The following NTN1 variants were observed in gnomAD, a reference collection of about 807,000 sequenced individuals.
NTN1 encodes netrin 1, also known as netrin-1.
A neutral mutation model predicts 54.2 loss-of-function variants in NTN1; 11 were observed. The ratio of observed to expected loss-of-function variants is 0.20; its 90% confidence interval spans 0.13 to 0.34. The LOEUF is 0.34. Among genes scored for constraint, NTN1 ranks in the 10% least tolerant of loss-of-function variants. The pLI is 1.00. For missense variants in NTN1, 740 were observed against 893.1 expected (o/e 0.83, Z 2.18); for synonymous variants, 371 against 382.0 (o/e 0.97, Z 0.33).
chr17:9,124,961 C>CT (rs1200416506), intron 2 of NTN1, among the ~76,000 whole-genome samples: 1 of 152,206 alleles, frequency 6.6e-6, no homozygotes, highest in Non-Finnish European at 1.5e-5. Flanking sequence ...CAGAGCCTGG[C>CT]ACATGCTACA....
At chr17:9,031,556 T>G (rs1462417955) in intron 2 of NTN1, among the ~76,000 whole-genome samples, 1 of 152,186 alleles carries the variant, frequency 6.6e-6, no homozygotes, top group Non-Finnish European at 1.5e-5. Context: ...GACCTTCCCC[T>G]TCCCCAACCT....
At chr17:9,154,845 T>C (rs2092336819) in intron 2 of NTN1, among the ~76,000 whole-genome samples, 1 of 152,164 alleles carries the variant, frequency 6.6e-6, no homozygotes, top group East Asian at 1.9e-4. Flanking sequence ...AAACCAGGCA[T>C]CTGCCCACTG....
chr17:9,235,600 C>T (rs371250380), intron 6 of NTN1, among the ~76,000 whole-genome samples: 6 of 152,154 alleles, frequency 3.9e-5, no homozygotes, highest in Admixed American at 6.5e-5. Flanking sequence ...CTGGAGGCTG[C>T]GAAGTCCAAG....
chr17:9,148,082 G>A (rs2092318668), intron 2 of NTN1, among the ~76,000 whole-genome samples: 2 of 152,306 alleles, frequency 1.3e-5, no homozygotes, highest in African/African-American at 4.8e-5. Flanking sequence ...AGGGCCTCTT[G>A]AGGGGCTGGG....
At chr17:9,064,583 G>A (rs563950896) in intron 2 of NTN1, among the ~76,000 whole-genome samples, 10 of 152,148 alleles carry the variant, frequency 6.6e-5, no homozygotes, top group African/African-American at 1.2e-4. Flanking sequence ...TCCCCTACTC[G>A]GTGTATTTCA....
At position 9,183,212 on chromosome 17, in the gene NTN1, A is replaced by G. The variant is rs2092424154; in HGVS notation, c.1411+243A>G. The G allele has an allele frequency of 4.4e-6, 3 of 687,038 alleles. No homozygotes were observed. In the African/African-American group the frequency reaches 5.3e-5, roughly 12 times the overall value. 42.6% of individuals were successfully genotyped at this position (687,038 alleles called of 1,614,324 possible). On this transcript the variant is annotated intron_variant, in intron 5 of 6. Transcript: ENST00000173229. ...ATGATGCCTCTCTCCCAAGCCTGGAACCCTAAAAACTGAGCTCCTTCTACT... is the reference window on the plus strand; with the variant it reads ...ATGATGCCTCTCTCCCAAGCCTGGAGCCCTAAAAACTGAGCTCCTTCTACT...
intron 2 of NTN1, among the ~76,000 whole-genome samples, chr17:9,073,155 C>T (rs2092037841): frequency 6.6e-6 from 1 of 152,226 alleles, no homozygotes; most frequent in Non-Finnish European, 1.5e-5. Flanking sequence ...AAGGCCCAAG[C>T]AGCCATGCAC....
intron 2 of NTN1, among the ~76,000 whole-genome samples, chr17:9,136,002 G>A (rs969928450): frequency 2.0e-5 from 3 of 152,118 alleles, no homozygotes; most frequent in Admixed American, 6.5e-5. Context: ...CCTCACTCCC[G>A]CCTGGGAAGC....
chr17:9,073,201 C>T (rs538245458), intron 2 of NTN1, among the ~76,000 whole-genome samples: 4 of 152,262 alleles, frequency 2.6e-5, no homozygotes, highest in African/African-American at 4.8e-5. Flanking sequence ...TGGGAGGAGT[C>T]GCGTATCCCA....
chr17:9,134,768 G>C (rs761757605), intron 2 of NTN1, among the ~76,000 whole-genome samples: 2 of 152,144 alleles, frequency 1.3e-5, no homozygotes, highest in African/African-American at 4.8e-5. Flanking sequence ...GCATCACAGA[G>C]CCCGCTGAGT....
intron 2 of NTN1, among the ~76,000 whole-genome samples, chr17:9,112,823 C>CA (rs386385610): frequency 0.021 from 2,052 of 95,898 alleles, 65 homozygotes; most frequent in African/African-American, 0.073. Context: ...GACTCCGTCT[C>CA]AAAAAAAAAA....
At chr17:9,191,505 C>G (rs1904456022) in intron 5 of NTN1, among the ~76,000 whole-genome samples, 1 of 152,062 alleles carries the variant, frequency 6.6e-6, no homozygotes. Context: ...TCTCTATAAG[C>G]AAAATAAAAG....
At chr17:9,044,844 A>G (rs2091936309) in intron 2 of NTN1, among the ~76,000 whole-genome samples, 2 of 152,250 alleles carry the variant, frequency 1.3e-5, no homozygotes, top group South Asian at 4.1e-4. Flanking sequence ...GCAAAAGTAC[A>G]TAAGGCAAAT....
chr17:9,060,522 A>C (rs1032933579), intron 2 of NTN1, among the ~76,000 whole-genome samples: 2 of 152,146 alleles, frequency 1.3e-5, no homozygotes, highest in African/African-American at 4.8e-5. Context: ...TCAGAGGTCA[A>C]CTGTGAATTT....
chr17:9,092,324 T>C (rs1391833574), intron 2 of NTN1, among the ~76,000 whole-genome samples: 1 of 120,106 alleles, frequency 8.3e-6, no homozygotes, highest in Non-Finnish European at 1.9e-5. Context: ...CTTCTCTTTT[T>C]TTTTTTTTTT....
rs576237421 is a variant in NTN1 at position 9,216,976 on chromosome 17, A to C, written c.1412-4192A>C. Among the ~76,000 whole-genome samples the C allele has an allele frequency of 7.2e-5, 11 of 151,774 alleles. No homozygotes were observed. In the South Asian group the frequency reaches 1.0e-3, roughly 14 times the overall value. ...AGAATCGCTTGAACCCAGGAAGCGA[A>C]GGTTGCAGTGAGCCGAGATCATGCC... is the stretch of plus-strand genomic sequence containing the variant. On this transcript the variant is annotated intron_variant, in intron 5 of 6. Transcript: ENST00000173229.
chr17:9,007,621 T>G, the NTN1 span, among the ~76,000 whole-genome samples: 2 of 149,738 alleles, frequency 1.3e-5, no homozygotes, highest in African/African-American at 4.9e-5. Flanking sequence ...TTCTCCTTCC[T>G]TCCTTCCTTT....
chr17:9,175,244 G>GAGAA (rs1166223043), intron 3 of NTN1: 3 of 152,248 alleles, frequency 2.0e-5, no homozygotes, highest in Admixed American at 6.5e-5. Context: ...AACTGACGAT[G>GAGAA]AGAACCACCT....
chr17:9,106,449 T>TTTCCTTCCTTCCTTCCTCCC (rs1158770998), intron 2 of NTN1, among the ~76,000 whole-genome samples: 1 of 149,350 alleles, frequency 6.7e-6, no homozygotes, highest in Admixed American at 6.7e-5. Flanking sequence ...CAAAATGGCA[T>TTTCCTTCCTTCCTTCCTCCC]TTCCTTCCTT....
Sources: gnomAD v4.1 joint callset for allele counts (sites outside exome capture counted in the v4.1 genomes callset) on GRCh38, gnomAD v4.1.1 for gene constraint, MANE v1.5 for transcripts, NCBI Gene and HGNC (gene_info 2026-07-23, HGNC 2026-07-21) for gene names.